SLC9A9: variants seen among roughly 807,000 people sequenced by gnomAD.
SLC9A9 encodes the protein solute carrier family 9 member A9, also known as sodium/hydrogen exchanger 9.
Under a neutral mutation model 77.8 loss-of-function variants are expected in SLC9A9, and 62 were observed. That is an observed-to-expected ratio of 0.80 (90% CI 0.65 to 0.98). The LOEUF (loss-of-function observed/expected upper bound fraction) is 0.98. Ranked by LOEUF, SLC9A9 falls within the 50% of genes least tolerant of loss-of-function variation. The pLI, the probability that SLC9A9 is intolerant of heterozygous loss-of-function variation, is 0.00. For synonymous variants in SLC9A9, 320 were observed against 283.5 expected (o/e 1.13, Z -1.29); for missense variants, 775 against 774.9 (o/e 1.00, Z 0.00).
intron 4 of SLC9A9, among the ~76,000 whole-genome samples, chr3:143,732,853 T>C (rs1291025509): frequency 1.3e-5 from 2 of 152,074 alleles, no homozygotes; most frequent in Admixed American, 1.3e-4. Context: ...AGTGGTAAAA[T>C]AGAGCATGAT....
intron 2 of SLC9A9, among the ~76,000 whole-genome samples, chr3:143,801,735 G>A (rs559690964): frequency 5.9e-5 from 9 of 152,202 alleles, no homozygotes; most frequent in Admixed American, 1.3e-4. Flanking sequence ...TGAGGCTACC[G>A]CTCTGCCCTA....
intron 5 of SLC9A9, among the ~76,000 whole-genome samples, chr3:143,679,106 G>T (rs1008586499): frequency 8.0e-5 from 6 of 75,212 alleles, no homozygotes; most frequent in Non-Finnish European, 1.7e-4. Context: ...ACACACAGCA[G>T]TAAAAAAAAG....
At chr3:143,695,266 A>G (rs1217823616) in intron 4 of SLC9A9, among the ~76,000 whole-genome samples, 1 of 152,094 alleles carries the variant, frequency 6.6e-6, no homozygotes, top group Non-Finnish European at 1.5e-5. Flanking sequence ...TATACATGCC[A>G]TGGTGGTTTG....
chr3:143,666,294 C>T (rs1283676044), intron 5 of SLC9A9, among the ~76,000 whole-genome samples: 1 of 152,132 alleles, frequency 6.6e-6, no homozygotes, highest in Non-Finnish European at 1.5e-5. Flanking sequence ...GCCCTTCATG[C>T]TAAAAACTCT....
At chr3:143,722,670 T>A (rs1023626389) in intron 4 of SLC9A9, among the ~76,000 whole-genome samples, 10 of 152,062 alleles carry the variant, frequency 6.6e-5, no homozygotes, top group Non-Finnish European at 1.5e-4. Flanking sequence ...CCCTTCCTTG[T>A]GTCTGGTGAC....
At chr3:143,429,906 A>C (rs1255617155) in intron 12 of SLC9A9, among the ~76,000 whole-genome samples, 1 of 152,220 alleles carries the variant, frequency 6.6e-6, no homozygotes, top group Non-Finnish European at 1.5e-5. Flanking sequence ...CTTAGAGGTC[A>C]TATCTTTCAA....
intron 4 of SLC9A9, among the ~76,000 whole-genome samples, chr3:143,734,758 G>A (rs1386353192): frequency 6.7e-6 from 1 of 150,024 alleles, no homozygotes; most frequent in African/African-American, 2.5e-5. Flanking sequence ...AAAAAGATAC[G>A]TAGACTCTTC....
Position 143,739,242 on chromosome 3 carries a change from G to A in SLC9A9, c.534-45935C>T, listed in dbSNP as rs541358371. 1.0e-3 allele frequency among the ~76,000 whole-genome samples: 157 copies of A among 152,258 alleles called. 1 individual carries two copies. Among genetic ancestry groups the A allele is most frequent in the Middle Eastern group, 3.4e-3 (1 of 294 alleles). On this transcript the variant is annotated intron_variant, in intron 4 of 15. Coordinates refer to ENST00000316549, the MANE Select transcript of SLC9A9 (RefSeq NM_173653.4). The stretch of plus-strand genomic sequence containing the variant: ...AGGGGATTGTTATGAATAATAATGA[G>A]CTTGTCATCACTCCTGTCAATCAGA...
chr3:143,279,901 C>T (rs530620500), intron 14 of SLC9A9, among the ~76,000 whole-genome samples: 1 of 152,186 alleles, frequency 6.6e-6, no homozygotes, highest in East Asian at 1.9e-4. Flanking sequence ...CTCACTGCAG[C>T]CTCGACCTCC....
chr3:143,382,689 C>CA (rs1249390115), intron 12 of SLC9A9, among the ~76,000 whole-genome samples: 2 of 151,874 alleles, frequency 1.3e-5, no homozygotes, highest in East Asian at 1.9e-4. Flanking sequence ...GGATAAGTTA[C>CA]AAAAAAAATT....
At chr3:143,271,004 G>A (rs1190969219) in intron 14 of SLC9A9, among the ~76,000 whole-genome samples, 1 of 152,130 alleles carries the variant, frequency 6.6e-6, no homozygotes, top group African/African-American at 2.4e-5. Flanking sequence ...GTGATATCTC[G>A]CACTGTCCAT....
chr3:143,300,222 T>A (rs1448734717), intron 14 of SLC9A9, among the ~76,000 whole-genome samples: 9 of 152,172 alleles, frequency 5.9e-5, no homozygotes, highest in Non-Finnish European at 1.2e-4. Flanking sequence ...TGAGCCTCAG[T>A]TTGGTCATCT....
chr3:143,427,574 A>T (rs2108533087), intron 12 of SLC9A9, among the ~76,000 whole-genome samples: 1 of 152,346 alleles, frequency 6.6e-6, no homozygotes, highest in East Asian at 1.9e-4. Flanking sequence ...TTTTTAAAAA[A>T]ATCATGGGAT....
chr3:143,774,703 TAC>T (rs1560073480), intron 4 of SLC9A9, among the ~76,000 whole-genome samples: 1,741 of 87,100 alleles, frequency 0.02, 23 homozygotes, highest in African/African-American at 0.11. Flanking sequence ...AGTTGAACTA[TAC>T]ATTGTAATAT....
intron 9 of SLC9A9, among the ~76,000 whole-genome samples, chr3:143,513,614 G>A (rs142967611): frequency 6.6e-6 from 1 of 152,288 alleles, no homozygotes; most frequent in African/African-American, 2.4e-5. Context: ...GAAGGTTTTA[G>A]ATATACTTGC....
chr3:143,836,638 G>A (rs1347201574), intron 1 of SLC9A9, among the ~76,000 whole-genome samples: 2 of 152,266 alleles, frequency 1.3e-5, no homozygotes, highest in South Asian at 2.1e-4. Flanking sequence ...GGAGGAAACA[G>A]CCTCAGGAGT....
intron 4 of SLC9A9, among the ~76,000 whole-genome samples, chr3:143,756,525 C>G (rs1418177013): frequency 6.6e-6 from 1 of 152,172 alleles, no homozygotes; most frequent in Non-Finnish European, 1.5e-5. Context: ...ATCTGAATAT[C>G]AATGTCCAAA....
intron 9 of SLC9A9, among the ~76,000 whole-genome samples, chr3:143,519,242 G>T (rs1183379171): frequency 2.0e-5 from 3 of 152,192 alleles, no homozygotes; most frequent in East Asian, 1.9e-4. Flanking sequence ...GTTGAGGTAG[G>T]TGTTGAAATT....
intron 12 of SLC9A9, among the ~76,000 whole-genome samples, chr3:143,404,937 A>G (rs1353681507): frequency 6.6e-6 from 1 of 152,184 alleles, no homozygotes; most frequent in Non-Finnish European, 1.5e-5. Flanking sequence ...TATTTTGGTC[A>G]TAAGTTATGC....
Sources: gnomAD v4.1 joint callset for allele counts (sites outside exome capture counted in the v4.1 genomes callset) on GRCh38, gnomAD v4.1.1 for gene constraint, MANE v1.5 for transcripts, NCBI Gene and HGNC (gene_info 2026-07-23, HGNC 2026-07-21) for gene names.